The following ZNF536 variants were observed in gnomAD, a reference collection of about 807,000 sequenced individuals.
The protein encoded by ZNF536 is zinc finger protein 536.
A neutral mutation model predicts 84.5 loss-of-function variants in ZNF536; 13 were observed. The observed-to-expected ratio is 0.15, with a 90% confidence interval of 0.10 to 0.24. ZNF536 has a LOEUF of 0.24. ZNF536 is among the 10% of genes least tolerant of loss of function. The pLI is 1.00. For missense variants in ZNF536, 1,536 were observed against 1,747.5 expected (o/e 0.88, Z 2.16); for synonymous variants, 811 against 742.5 (o/e 1.09, Z -1.50).
chr19:30,375,455 G>T (rs2048778654), intron 1 of ZNF536, among the ~76,000 whole-genome samples: 1 of 152,120 alleles, frequency 6.6e-6, no homozygotes, highest in Non-Finnish European at 1.5e-5. Flanking sequence ...ACCGACCCGG[G>T]CGCGCCCCCG....
intron 3 of ZNF536, among the ~76,000 whole-genome samples, chr19:30,545,525 G>A (rs2045515815): frequency 6.7e-6 from 1 of 148,790 alleles, no homozygotes; most frequent in Non-Finnish European, 1.5e-5. Context: ...AGCCTCCCAA[G>A]TAGCTGGGAC....
intron 2 of ZNF536, among the ~76,000 whole-genome samples, chr19:30,478,462 A>AT (rs1471344722): frequency 6.6e-6 from 1 of 151,806 alleles, no homozygotes; most frequent in Non-Finnish European, 1.5e-5. Flanking sequence ...AGATGGGGGG[A>AT]TCCTAGTGAA....
At chr19:30,583,431 CCAGGGTGACTAG>C (rs2046991928) in intron 1 of ZNF536, among the ~76,000 whole-genome samples, 2 of 152,192 alleles carry the variant, frequency 1.3e-5, no homozygotes, top group South Asian at 4.1e-4. Flanking sequence ...CATTGGCAAG[CCAGGGTGACTAG>C]CAGGCACTAC....
At chr19:30,591,254 T>G (rs966574652) in intron 1 of ZNF536, among the ~76,000 whole-genome samples, 1 of 152,218 alleles carries the variant, frequency 6.6e-6, no homozygotes, top group African/African-American at 2.4e-5. Flanking sequence ...TGTGCAGGAC[T>G]GCCACTGCCT....
intron 1 of ZNF536, among the ~76,000 whole-genome samples, chr19:30,437,883 A>C (rs1417429848): frequency 3.3e-5 from 5 of 152,182 alleles, no homozygotes; most frequent in Admixed American, 6.5e-5. Context: ...CCTCTTCCTT[A>C]TAGGTTTCAG....
At chr19:30,290,822 A>C (rs1429041164) in intron 2 of ZNF536, among the ~76,000 whole-genome samples, 1 of 152,110 alleles carries the variant, frequency 6.6e-6, no homozygotes, top group African/African-American at 2.4e-5. Context: ...TATTTGTCCT[A>C]ATGGTCTCCC....
At chr19:30,682,317 A>G (rs2051007051) in intron 1 of ZNF536, among the ~76,000 whole-genome samples, 1 of 152,148 alleles carries the variant, frequency 6.6e-6, no homozygotes, top group Non-Finnish European at 1.5e-5. Flanking sequence ...TTCCCCAAGA[A>G]AGGAGGAATC....
chr19:30,467,540 G>C (rs976428151), intron 2 of ZNF536, among the ~76,000 whole-genome samples: 3 of 152,138 alleles, frequency 2.0e-5, no homozygotes, highest in African/African-American at 7.2e-5. Context: ...CCTTTTGGCT[G>C]TTTCAGTACA....
At chr19:30,587,703 TG>T (rs1020854273) in intron 1 of ZNF536, among the ~76,000 whole-genome samples, 1 of 152,216 alleles carries the variant, frequency 6.6e-6, no homozygotes, top group African/African-American at 2.4e-5. Context: ...GGCAGACTTC[TG>T]GGGAAAAGCT....
intron 2 of ZNF536, among the ~76,000 whole-genome samples, chr19:30,319,328 T>A (rs941063055): frequency 2.0e-5 from 3 of 152,216 alleles, no homozygotes; most frequent in Non-Finnish European, 4.4e-5. Context: ...TTAATTTTTT[T>A]AAAACAAATA....
chr19:30,226,231 G>A (rs2144555163), upstream of ZNF536, among the ~76,000 whole-genome samples: 1 of 149,606 alleles, frequency 6.7e-6, no homozygotes, highest in South Asian at 2.2e-4. This position sits in a 1 kb window ranked among gnomAD's most constrained non-coding sequence, Gnocchi z 4.6. Flanking sequence ...GGTGGGGGGA[G>A]TAAAAAGGGG....
intron 1 of ZNF536, among the ~76,000 whole-genome samples, chr19:30,650,249 A>T (rs572157553): frequency 6.6e-6 from 1 of 152,354 alleles, no homozygotes; most frequent in East Asian, 1.9e-4. Flanking sequence ...GGACAAAATG[A>T]TCAATAGATG....
At chr19:30,662,540 G>T (rs1301516793) in intron 1 of ZNF536, among the ~76,000 whole-genome samples, 3 of 152,054 alleles carry the variant, frequency 2.0e-5, no homozygotes, top group South Asian at 4.1e-4. Flanking sequence ...CCGCAGATGG[G>T]GGGGGATAGT....
In ZNF536 at chr19:30,595,517, G is replaced by A. The variant is rs954592478; in HGVS notation, c.169+46003G>A. ...TGCCCAGGCTGGTCTCAAACTCCTGGCCTTAAGCAATCCTCCCACCTTGGC... is the reference window on the plus strand; with the variant it reads ...TGCCCAGGCTGGTCTCAAACTCCTGACCTTAAGCAATCCTCCCACCTTGGC... On this transcript the variant is annotated intron_variant, in intron 1 of 1. Coordinates refer to the ZNF536 transcript ENST00000592773. 4.6e-5 allele frequency among the ~76,000 whole-genome samples: 7 copies of A among 152,080 alleles called. No individual in the cohort carries two copies. In the South Asian group the frequency reaches 1.0e-3, roughly 23 times the overall value.
At chr19:30,402,875 G>A (rs897481763) in intron 1 of ZNF536, among the ~76,000 whole-genome samples, 26 of 144,964 alleles carry the variant, frequency 1.8e-4, no homozygotes, top group Admixed American at 2.9e-4. Context: ...AGACTGGGTC[G>A]GAGGGGAATG....
intron 1 of ZNF536, among the ~76,000 whole-genome samples, chr19:30,676,842 C>A (rs751590540): frequency 1.3e-5 from 2 of 152,110 alleles, no homozygotes; most frequent in Non-Finnish European, 1.5e-5. Context: ...AGTATCTTCT[C>A]AAAAGTTTCT....
At chr19:30,563,348 A>G (rs953707500) in intron 1 of ZNF536, among the ~76,000 whole-genome samples, 5 of 152,160 alleles carry the variant, frequency 3.3e-5, no homozygotes, top group Non-Finnish European at 7.3e-5. Context: ...CTTGCGATGG[A>G]CAGACACACC....
At chr19:30,265,959 C>T (rs569530837) in intron 1 of ZNF536, among the ~76,000 whole-genome samples, 24 of 152,198 alleles carry the variant, frequency 1.6e-4, no homozygotes, top group African/African-American at 5.3e-4. Flanking sequence ...GGTGTGATCA[C>T]GGCTCACTGC....
intron 2 of ZNF536, among the ~76,000 whole-genome samples, chr19:30,452,547 C>A (rs1243046116): frequency 6.6e-6 from 1 of 152,142 alleles, no homozygotes; most frequent in Non-Finnish European, 1.5e-5. Context: ...AGAGAGAGAC[C>A]GTGGGTATAC....
Sources: gnomAD v4.1 joint callset for allele counts (sites outside exome capture counted in the v4.1 genomes callset) on GRCh38, gnomAD v4.1.1 for gene constraint, Gnocchi (gnomAD v3.1) non-coding constraint, MANE v1.5 for transcripts, NCBI Gene and HGNC (gene_info 2026-07-23, HGNC 2026-07-21) for gene names.